The following JAK2 variants were observed in gnomAD, a reference collection of about 807,000 sequenced individuals.
JAK2 encodes the protein Janus kinase 2.
JAK2 carries 86 observed loss-of-function variants against 139.3 expected under a neutral mutation model. That is an observed-to-expected ratio of 0.62 (90% confidence interval 0.52 to 0.74). The LOEUF is 0.74. Ranked by LOEUF, JAK2 falls within the 30% of genes least tolerant of loss-of-function variation. The probability of loss-of-function intolerance (pLI) is 0.00; values close to 1 mark genes in which losing one functional copy is unlikely to be tolerated. For missense variants in JAK2, 1,421 were observed against 1,360.3 expected, an observed-to-expected ratio of 1.04 and a Z score of -0.70; for synonymous variants, 490 against 437.7, an observed-to-expected ratio of 1.12 and a Z score of -1.49.
At chr9:5,043,240 C>A (rs1300429671) in intron 4 of JAK2, among the ~76,000 whole-genome samples, 4 of 152,066 alleles carry the variant, frequency 2.6e-5, no homozygotes, top group African/African-American at 9.7e-5. Context: ...CTGGTTTTTG[C>A]TTTACCAAGT....
Position 5,078,318 on chromosome 9 carries a change from C to G in JAK2, c.2005C>G (p.Leu669Val), listed in dbSNP as rs747652188. 6 of 1,611,722 alleles carry G rather than the reference C, an allele frequency of 3.7e-6. No homozygotes were observed. Among genetic ancestry groups the G allele is most frequent in the Middle Eastern group, 1.7e-4 (1 of 6,042 alleles). The change falls in exon 16 of 25, where the codon CTT becomes GTT. Residue 669 changes from leucine (L) to valine (V), a missense_variant. Transcript: ENST00000381652. ...WAMHFLEENT[L>V]IHGNVCAKNI... ...TTAACTCTAATAGGAAGAAAACACC[C>G]TTATTCATGGGAATGTATGTGCCAA...
In JAK2 at chr9:5,054,592, G is replaced by C. The variant is rs749863048; in HGVS notation, c.644G>C (p.Arg215Pro). Reference sequence around the variant, plus strand: ...AAGACATTCTTACCAAAATGTATTCGAGCAAAGATCCAAGACTATCATATT... The same window carrying C: ...AAGACATTCTTACCAAAATGTATTCCAGCAAAGATCCAAGACTATCATATT... ...SYKTFLPKCI[R>P]AKIQDYHILT... Residue 215 changes from arginine (R) to proline (P), a missense_variant, in exon 7 of 25, where the codon CGA becomes CCA. Physicochemically the swap from Arg to Pro is moderately radical, Grantham distance 103. Transcript: ENST00000381652. This position sits in a 1 kb window ranked among gnomAD's most constrained non-coding sequence, Gnocchi z 4.9. 1 of 1,594,748 alleles carries C rather than the reference G, an allele frequency of 6.3e-7. No individual in the cohort carries two copies. The highest frequency in any genetic ancestry group is 1.1e-5 in the South Asian group (1 of 88,334).
chr9:5,032,107 C>T (rs892623232), intron 4 of JAK2, among the ~76,000 whole-genome samples: 1 of 152,306 alleles, frequency 6.6e-6, no homozygotes, highest in East Asian at 1.9e-4. Context: ...ACATATCCCG[C>T]GCCTGGCTCA....
intron 2 of JAK2, among the ~76,000 whole-genome samples, chr9:5,003,800 G>GATCA (rs2129870713): frequency 6.6e-6 from 1 of 152,100 alleles, no homozygotes; most frequent in South Asian, 2.1e-4. Context: ...AGAAGAACAA[G>GATCA]ATCAATATTT....
chr9:5,099,081 C>T (rs1264446475), intron 22 of JAK2: 1 of 152,172 alleles, frequency 6.6e-6, no homozygotes, highest in African/African-American at 2.4e-5. Context: ...GAACAATTCT[C>T]CCAACAGAAA....
chr9:5,094,984 C>A (rs985973296), intron 22 of JAK2: 1 of 152,142 alleles, frequency 6.6e-6, no homozygotes, highest in African/African-American at 2.4e-5. Context: ...TATCTCAATG[C>A]CTTTCCTAAT....
intron 2 of JAK2, among the ~76,000 whole-genome samples, chr9:5,008,070 C>A (rs7030260): frequency 0.38 from 57,470 of 151,942 alleles, 12,584 homozygotes; most frequent in African/African-American, 0.62. Context: ...CACAGAATAA[C>A]ATGAGTGGGT....
At chr9:5,068,925 T>C (rs1246445115) in intron 10 of JAK2, 97 bp from the exon 11 acceptor site, 5 of 696,472 alleles carry the variant, frequency 7.2e-6, no homozygotes, top group Non-Finnish European at 1.2e-5. Flanking sequence ...CAAATGTTTA[T>C]TCTGTTGCTT....
intron 2 of JAK2, among the ~76,000 whole-genome samples, chr9:5,010,926 A>C (rs1177003377): frequency 1.3e-5 from 2 of 152,164 alleles, no homozygotes; most frequent in African/African-American, 4.8e-5. Flanking sequence ...TTCTGGGTTG[A>C]CAGCTTTCCC....
intron 4 of JAK2, among the ~76,000 whole-genome samples, 160 bp from the exon 5 acceptor site, chr9:5,044,243 T>C (rs1395191037): frequency 6.6e-6 from 1 of 152,266 alleles, no homozygotes; most frequent in Non-Finnish European, 1.5e-5. Flanking sequence ...ATTAGTGTTA[T>C]CCACATATCC....
rs1381108617 is a variant in JAK2, at chr9:5,073,802, G to C, written c.1864+17G>C. 1 of 1,450,702 alleles carries C rather than the reference G, an allele frequency of 6.9e-7. No homozygotes were observed. The highest frequency in any genetic ancestry group is 1.4e-5 in the African/African-American group (1 of 71,230). 89.9% of individuals were successfully genotyped at this position (1,450,702 alleles called of 1,614,324 possible). ...GAGACGAGAGTAAGTAAAACTACAG[G>C]CTTTCTAATGCCTTTCTCAGAGCAT... On this transcript the variant is annotated intron_variant, in intron 14 of 24. Transcript: ENST00000381652.
In JAK2 at chr9:4,985,542, T is replaced by C. The variant is rs2274472; in HGVS notation, c.-197T>C. 0.29 allele frequency: 43,932 copies of C among 152,366 alleles called. 7,146 individuals carry two copies. Among genetic ancestry groups the C allele is most frequent in the East Asian group, 0.4 (2,057 of 5,156 alleles). 9.4% of individuals were successfully genotyped at this position (152,366 alleles called of 1,614,324 possible). A position where few individuals can be genotyped will look rare whatever the true frequency, so the allele number is the denominator to read the frequency against. ...TGGAGGTCGTTCAGAGCCGTGCCCG[T>C]CCCGGGGCTTCGCAGACCTTGACCC... On this transcript the variant is annotated 5_prime_UTR_variant, in exon 1 of 25. Transcript: ENST00000381652.
chr9:5,051,117 C>T (rs539141733), intron 6 of JAK2, among the ~76,000 whole-genome samples: 13 of 152,100 alleles, frequency 8.5e-5, no homozygotes, highest in African/African-American at 2.9e-4. Flanking sequence ...TGGAACATTT[C>T]GTATTTCAGA....
chr9:5,080,439 A>C, intron 17 of JAK2, 59 bp downstream of exon 17: 1 of 1,545,794 alleles, frequency 6.5e-7, no homozygotes, highest in Non-Finnish European at 8.8e-7. Context: ...TATTTCTTTC[A>C]CATGATTTGT....
intron 2 of JAK2, among the ~76,000 whole-genome samples, chr9:5,020,180 T>C (rs1462769407): frequency 6.6e-6 from 1 of 152,080 alleles, no homozygotes; most frequent in Admixed American, 6.5e-5. Flanking sequence ...GTGACGGCGA[T>C]TGGCTGGGTA....
chr9:5,103,707 A>G (rs1445492715), intron 22 of JAK2, among the ~76,000 whole-genome samples: 1 of 152,222 alleles, frequency 6.6e-6, no homozygotes, highest in East Asian at 1.9e-4. Flanking sequence ...CAGATATCAC[A>G]ACAAACTGGC....
At position 5,021,998 on chromosome 9, in the gene JAK2, C is replaced by A. The variant is rs773675185; in HGVS notation, c.11C>A (p.Ala4Asp). The A allele has an allele frequency of 6.2e-7, 1 of 1,613,066 alleles. No individual in the cohort carries two copies. Among genetic ancestry groups the A allele is most frequent in the South Asian group, 1.1e-5 (1 of 91,032 alleles). MGM[A>D]CLTMTEMEGT... ...TGAAAAAGACTCTGCATGGGAATGG[C>A]CTGCCTTACGATGACAGAAATGGAG... The change falls in exon 3 of 25, where the codon GCC becomes GAC. Residue 4 changes from alanine to aspartate, a missense_variant. Physicochemically the swap from Ala to Asp is moderately radical, Grantham distance 126. Transcript: ENST00000381652.
chr9:5,115,213 C>T (rs10815159), intron 22 of JAK2, among the ~76,000 whole-genome samples: 38,088 of 151,810 alleles, frequency 0.25, 5,110 homozygotes, highest in South Asian at 0.3. Flanking sequence ...TAAACAAGTT[C>T]ACAAGAAAAA....
intron 2 of JAK2, among the ~76,000 whole-genome samples, chr9:5,009,101 G>C (rs1821514867): frequency 1.3e-5 from 2 of 152,114 alleles, no homozygotes; most frequent in Non-Finnish European, 2.9e-5. Flanking sequence ...AGTATGATTA[G>C]AGCAGCATTT....
Sources: gnomAD v4.1 joint callset for allele counts (sites outside exome capture counted in the v4.1 genomes callset) on GRCh38, gnomAD v4.1.1 for gene constraint, Gnocchi (gnomAD v3.1) non-coding constraint, MANE v1.5 for transcripts, NCBI Gene and HGNC (gene_info 2026-07-23, HGNC 2026-07-21) for gene names.